Variants in MTUS2 observed in about 807,000 individuals in gnomAD.
The protein encoded by MTUS2 is microtubule associated scaffold protein 2.
Under a neutral mutation model 114.1 loss-of-function variants are expected in MTUS2, and 40 were observed. The ratio of observed to expected loss-of-function variants is 0.35; its 90% CI spans 0.27 to 0.46. The LOEUF (loss-of-function observed/expected upper bound fraction) is 0.46, where lower values mean the gene tolerates loss of function less well. Among genes scored for constraint, MTUS2 ranks in the 20% least tolerant of loss-of-function variants. The pLI, the probability that MTUS2 is intolerant of heterozygous loss-of-function variation, is 1.00. For missense variants in MTUS2, 1,679 were observed against 1,705.4 expected (o/e 0.98, Z 0.27); for synonymous variants, 688 against 672.0 (o/e 1.02, Z -0.37).
In MTUS2 at chr13:29,461,216, A is replaced by ACTCATT. The variant is rs113632600; in HGVS notation, c.3185-18931_3185-18926dup. Reference sequence around the variant, plus strand: ...AGAGAGAGAAGGGAAGGGGGGGTGAACTCATTCTTTTATCAGAAACTCACT... The same window carrying ACTCATT: ...AGAGAGAGAAGGGAAGGGGGGGTGAACTCATTCTCATTCTTTTATCAGAAACTCACT... On this transcript the variant is annotated intron_variant, in intron 9 of 15. Transcript: ENST00000612955. Among the ~76,000 whole-genome samples, 532 of 151,884 alleles carry ACTCATT rather than the reference A, an allele frequency of 3.5e-3. 4 individuals are homozygous for ACTCATT. The highest frequency in any genetic ancestry group is 0.012 in the African/African-American group (509 of 41,410).
chr13:28,977,960 C>T, intron 2 of MTUS2, among the ~76,000 whole-genome samples: 1 of 152,208 alleles, frequency 6.6e-6, no homozygotes, highest in Non-Finnish European at 1.5e-5. Flanking sequence ...CGGACTACCA[C>T]AGCCCCCTGC....
intron 6 of MTUS2, chr13:29,306,766 C>T: frequency 3.2e-6 from 1 of 308,186 alleles, no homozygotes; most frequent in Non-Finnish European, 6.6e-6. Context: ...CCAGCCGCAT[C>T]CCTGAGACAT....
intron 7 of MTUS2, among the ~76,000 whole-genome samples, chr13:29,344,275 C>G (rs1486267848): frequency 9.9e-5 from 15 of 151,754 alleles, no homozygotes; most frequent in Admixed American, 9.8e-4. Context: ...ATTGTGCTGC[C>G]ATCTTACCTC....
At chr13:29,416,952 A>C (rs1875714092) in intron 8 of MTUS2, among the ~76,000 whole-genome samples, 1 of 152,160 alleles carries the variant, frequency 6.6e-6, no homozygotes, top group Non-Finnish European at 1.5e-5. Flanking sequence ...AGTACGTTTC[A>C]ATTATCTGAA....
chr13:28,822,288 A>C (rs1191160757), intron 1 of MTUS2, among the ~76,000 whole-genome samples: 1 of 152,130 alleles, frequency 6.6e-6, no homozygotes, highest in Non-Finnish European at 1.5e-5. Context: ...TACTCCATTA[A>C]ACTCCCTGTT....
At chr13:29,066,648 T>C (rs1212525156) in intron 4 of MTUS2, among the ~76,000 whole-genome samples, 1 of 152,264 alleles carries the variant, frequency 6.6e-6, no homozygotes. Flanking sequence ...ACCTTTGAGA[T>C]GATCAGATTC....
chr13:29,207,114 G>T (rs191443002), intron 5 of MTUS2, among the ~76,000 whole-genome samples: 115 of 152,024 alleles, frequency 7.6e-4, no homozygotes, highest in Non-Finnish European at 1.5e-3. Flanking sequence ...CTTTGTAGAG[G>T]TCTTTCACCC....
chr13:29,259,936 C>T (rs1897408075), intron 5 of MTUS2, among the ~76,000 whole-genome samples: 1 of 152,198 alleles, frequency 6.6e-6, no homozygotes, highest in African/African-American at 2.4e-5. Flanking sequence ...GGTCACGGTC[C>T]CAGAGTTGCT....
At chr13:29,076,428 A>G (rs1889195221) in intron 4 of MTUS2, among the ~76,000 whole-genome samples, 1 of 152,236 alleles carries the variant, frequency 6.6e-6, no homozygotes, top group South Asian at 2.1e-4. Flanking sequence ...GTGGGTCAGA[A>G]ATTTGAGAAC....
intron 9 of MTUS2, among the ~76,000 whole-genome samples, chr13:29,463,233 AC>A (rs371537853): frequency 3.4e-4 from 51 of 152,196 alleles, no homozygotes; most frequent in African/African-American, 1.2e-3. Flanking sequence ...AAGGGAGCAC[AC>A]CCCTGCTGAC....
Position 29,339,327 on chromosome 13 carries a change from C to T in MTUS2, c.2905+14616C>T, listed in dbSNP as rs138726735. ...AGCGGCCCAGGCCTGGGCACAAAGG[C>T]GGGGACCTCTCCATGTCTCCTGATG... On this transcript the variant is annotated intron_variant, in intron 7 of 15. Coordinates refer to ENST00000612955, the MANE Select transcript of MTUS2 (RefSeq NM_001033602.4). Among the ~76,000 whole-genome samples the T allele has an allele frequency of 1.2e-4, 18 of 152,274 alleles. No individual in the cohort carries two copies. The East Asian group carries it at 3.3e-3, about 28-fold the overall frequency.
intron 2 of MTUS2, among the ~76,000 whole-genome samples, chr13:28,960,635 G>A (rs1169656128): frequency 6.6e-6 from 1 of 152,198 alleles, no homozygotes; most frequent in Admixed American, 6.5e-5. Context: ...ACTCAAACAT[G>A]AAATGTCTAG....
intron 5 of MTUS2, among the ~76,000 whole-genome samples, chr13:29,174,952 C>T (rs1893710186): frequency 6.6e-6 from 1 of 152,198 alleles, no homozygotes; most frequent in African/African-American, 2.4e-5. Flanking sequence ...CCTTCACTGA[C>T]AACCATTCAG....
chr13:28,829,087 T>G (rs1467112548), intron 1 of MTUS2, among the ~76,000 whole-genome samples: 1 of 152,124 alleles, frequency 6.6e-6, no homozygotes, highest in African/African-American at 2.4e-5. Context: ...TTTAGAATGG[T>G]GGAAATTAAC....
At chr13:29,461,212 G>T (rs974245367) in intron 9 of MTUS2, among the ~76,000 whole-genome samples, 2 of 151,692 alleles carry the variant, frequency 1.3e-5, no homozygotes, top group African/African-American at 4.9e-5. Flanking sequence ...GGAAGGGGGG[G>T]TGAACTCATT....
intron 4 of MTUS2, among the ~76,000 whole-genome samples, chr13:29,051,474 T>C (rs918661951): frequency 1.3e-5 from 2 of 152,076 alleles, no homozygotes; most frequent in Non-Finnish European, 2.9e-5. Context: ...GGGCTGGAGA[T>C]TGAAATCTGC....
At chr13:29,415,703 T>C in intron 8 of MTUS2, among the ~76,000 whole-genome samples, 1 of 152,192 alleles carries the variant, frequency 6.6e-6, no homozygotes. Context: ...GATTTATTGG[T>C]ATAGCTGATA....
intron 5 of MTUS2, among the ~76,000 whole-genome samples, chr13:29,167,125 A>G (rs984022526): frequency 7.2e-5 from 11 of 152,262 alleles, no homozygotes; most frequent in Admixed American, 2.6e-4. Context: ...CTGTAATCCC[A>G]GCACTTTGGG....
intron 5 of MTUS2, among the ~76,000 whole-genome samples, chr13:29,224,162 G>A (rs1331557907): frequency 6.6e-6 from 1 of 152,164 alleles, no homozygotes; most frequent in East Asian, 1.9e-4. Context: ...GCAAAACTCA[G>A]GTAAAGGTGC....
Sources: gnomAD v4.1 joint callset for allele counts (sites outside exome capture counted in the v4.1 genomes callset) on GRCh38, gnomAD v4.1.1 for gene constraint, MANE v1.5 for transcripts, NCBI Gene and HGNC (gene_info 2026-07-23, HGNC 2026-07-21) for gene names.